The following RGS6 variants were observed in gnomAD, a reference collection of about 807,000 sequenced individuals.
RGS6 encodes regulator of G-protein signaling 6.
RGS6 carries 30 observed loss-of-function variants against 78.5 expected under a neutral mutation model. The observed-to-expected ratio is 0.38, with a 90% CI of 0.29 to 0.52. RGS6 has a LOEUF of 0.52. RGS6 is among the 20% of genes least tolerant of loss of function. The pLI, the probability that RGS6 is intolerant of heterozygous loss-of-function variation, is 0.85. For missense variants in RGS6, 495 were observed against 609.7 expected, an observed-to-expected ratio of 0.81 and a Z score of 1.98; for synonymous variants, 206 against 206.0, an observed-to-expected ratio of 1.00 and a Z score of 0.00.
chr14:72,476,887 T>G, intron 11 of RGS6, 47 bp downstream of exon 11: 1 of 1,506,774 alleles, frequency 6.6e-7, no homozygotes, highest in South Asian at 1.1e-5. Context: ...CGTGGCCAGT[T>G]TAAAAACCCT....
At chr14:72,020,180 A>G (rs111890585) in intron 2 of RGS6, among the ~76,000 whole-genome samples, 47 of 152,372 alleles carry the variant, frequency 3.1e-4, no homozygotes, top group African/African-American at 1.1e-3. Context: ...TTTTCTAATT[A>G]GCTTGATGTT....
At chr14:72,053,308 C>T (rs573747202) in intron 2 of RGS6, among the ~76,000 whole-genome samples, 9 of 151,388 alleles carry the variant, frequency 5.9e-5, no homozygotes, top group Admixed American at 3.3e-4. Flanking sequence ...TTAGTAGAGA[C>T]GGAGTTTCAC....
intron 2 of RGS6, among the ~76,000 whole-genome samples, chr14:72,263,221 T>C (rs1217674409): frequency 6.6e-6 from 1 of 152,234 alleles, no homozygotes; most frequent in East Asian, 1.9e-4. Flanking sequence ...ACTTGTATAA[T>C]TGTATAATTG....
chr14:71,887,060 C>T, the RGS6 span, among the ~76,000 whole-genome samples: 3,922 of 152,140 alleles, frequency 0.026, 180 homozygotes, highest in African/African-American at 0.09. Context: ...TGAGGTGTTG[C>T]GGGAAGTCAG....
intron 2 of RGS6, among the ~76,000 whole-genome samples, chr14:72,092,662 G>A (rs1010651087): frequency 3.9e-5 from 6 of 152,206 alleles, no homozygotes; most frequent in East Asian, 3.9e-4. Flanking sequence ...GATTACAGGC[G>A]TGAACCATTG....
intron 2 of RGS6, among the ~76,000 whole-genome samples, chr14:72,102,709 GA>G (rs1354101503): frequency 1.3e-5 from 2 of 152,112 alleles, no homozygotes; most frequent in Non-Finnish European, 2.9e-5. Flanking sequence ...AATGAAACAA[GA>G]AAATGAAGAC....
intron 2 of RGS6, among the ~76,000 whole-genome samples, chr14:72,261,465 G>T (rs1280211008): frequency 1.3e-5 from 2 of 151,728 alleles, no homozygotes; most frequent in Non-Finnish European, 2.9e-5. Context: ...TAGTAAGTGA[G>T]TGAGTCTTAG....
intron 2 of RGS6, among the ~76,000 whole-genome samples, chr14:71,995,371 A>T (rs2095152616): frequency 6.6e-6 from 1 of 152,248 alleles, no homozygotes; most frequent in Admixed American, 6.5e-5. Context: ...CCTGTTTGAC[A>T]TCGCATGCCA....
intron 2 of RGS6, among the ~76,000 whole-genome samples, chr14:72,144,602 A>G (rs948898517): frequency 2.0e-5 from 3 of 152,240 alleles, no homozygotes; most frequent in Non-Finnish European, 2.9e-5. Context: ...ATTTAAAGAC[A>G]GAGAAGAAAT....
chr14:72,187,919 T>G (rs141855172), intron 2 of RGS6, among the ~76,000 whole-genome samples: 81 of 152,344 alleles, frequency 5.3e-4, no homozygotes, highest in African/African-American at 1.9e-3. Flanking sequence ...CCATGCATGT[T>G]TCTAGTTGAA....
intron 12 of RGS6, among the ~76,000 whole-genome samples, chr14:72,479,878 TG>T (rs2096331408): frequency 1.3e-5 from 2 of 152,168 alleles, no homozygotes; most frequent in Non-Finnish European, 2.9e-5. Flanking sequence ...GGGACAGAAA[TG>T]GCTGTCCTAG....
At chr14:72,088,115 C>T (rs2095123403) in intron 2 of RGS6, among the ~76,000 whole-genome samples, 1 of 152,186 alleles carries the variant, frequency 6.6e-6, no homozygotes, top group African/African-American at 2.4e-5. Context: ...TGAGATGAAA[C>T]TTAGTCTTTT....
intron 2 of RGS6, among the ~76,000 whole-genome samples, chr14:72,222,725 C>A (rs1292493502): frequency 6.6e-6 from 1 of 152,188 alleles, no homozygotes; most frequent in African/African-American, 2.4e-5. Context: ...AGATGTACAT[C>A]TGACTAATAG....
At chr14:72,626,215 G>A in the RGS6 span, among the ~76,000 whole-genome samples, 17 of 152,180 alleles carry the variant, frequency 1.1e-4, no homozygotes, top group African/African-American at 4.1e-4. Flanking sequence ...AAGAGTCAAA[G>A]CTATACAAGA....
chr14:72,542,540 G>A (rs1387964065), intron 17 of RGS6, among the ~76,000 whole-genome samples: 1 of 152,250 alleles, frequency 6.6e-6, no homozygotes, highest in Non-Finnish European at 1.5e-5. Flanking sequence ...TGTGTTGCTG[G>A]GAAAGATGTG....
At chr14:72,441,820 A>G (rs2095213314) in intron 3 of RGS6, among the ~76,000 whole-genome samples, 2 of 152,198 alleles carry the variant, frequency 1.3e-5, no homozygotes, top group East Asian at 3.8e-4. Context: ...ATCGTTCTGC[A>G]CACCAAGCCC....
intron 2 of RGS6, among the ~76,000 whole-genome samples, chr14:72,203,918 G>A (rs895043121): frequency 6.8e-6 from 1 of 146,750 alleles, no homozygotes; most frequent in South Asian, 2.1e-4. Flanking sequence ...TCCACCTCTC[G>A]AGTTCAAGAG....
At chr14:72,030,880 G>A (rs533268976) in intron 2 of RGS6, among the ~76,000 whole-genome samples, 1 of 152,176 alleles carries the variant, frequency 6.6e-6, no homozygotes, top group South Asian at 2.1e-4. Context: ...TTTAAATAAA[G>A]CAATATTTAA....
At chr14:72,453,416 C>G (rs1270330833) in intron 3 of RGS6, among the ~76,000 whole-genome samples, 1 of 151,018 alleles carries the variant, frequency 6.6e-6, no homozygotes, top group Non-Finnish European at 1.5e-5. Context: ...GAGATCGAGA[C>G]CATCCCGGCT....
Sources: gnomAD v4.1 joint callset for allele counts (sites outside exome capture counted in the v4.1 genomes callset) on GRCh38, gnomAD v4.1.1 for gene constraint, MANE v1.5 for transcripts, NCBI Gene and HGNC (gene_info 2026-07-23, HGNC 2026-07-21) for gene names.